PDE4D: variants seen among roughly 807,000 people sequenced by gnomAD.
PDE4D encodes the protein 3',5'-cyclic-AMP phosphodiesterase 4D.
In PDE4D, 24 loss-of-function variants were observed where a neutral mutation model predicts 87.4. The ratio of observed to expected loss-of-function variants is 0.27; its 90% CI spans 0.20 to 0.39. The LOEUF (loss-of-function observed/expected upper bound fraction) is 0.39. PDE4D is among the 10% of genes least tolerant of loss of function. PDE4D has a pLI of 1.00. For missense variants in PDE4D, 714 were observed against 1,041.0 expected, an observed-to-expected ratio of 0.69 and a Z score of 4.32; for synonymous variants, 384 against 383.2, an observed-to-expected ratio of 1.00 and a Z score of -0.02.
At chr5:60,031,632 C>G (rs115322342) in intron 2 of PDE4D, among the ~76,000 whole-genome samples, 3,700 of 152,306 alleles carry the variant, frequency 0.024, 148 homozygotes, top group African/African-American at 0.084. Flanking sequence ...TTCAATCTAT[C>G]TTTTTACCTA....
At chr5:59,690,012 G>C (rs1010036251) in intron 1 of PDE4D, among the ~76,000 whole-genome samples, 1 of 152,132 alleles carries the variant, frequency 6.6e-6, no homozygotes, top group Non-Finnish European at 1.5e-5. Flanking sequence ...ACTTACAAGG[G>C]ATGTGAAGGA....
intron 1 of PDE4D, among the ~76,000 whole-genome samples, chr5:59,308,337 A>T (rs906330549): frequency 1.4e-4 from 21 of 149,304 alleles, no homozygotes; most frequent in East Asian, 1.2e-3. Context: ...ATAATAATTT[A>T]AAAAAAAAAG....
At chr5:59,056,646 G>A (rs1027436894) in intron 5 of PDE4D, among the ~76,000 whole-genome samples, 10 of 151,582 alleles carry the variant, frequency 6.6e-5, no homozygotes, top group Non-Finnish European at 1.3e-4. Context: ...TCCCCTCCCT[G>A]TGTCCATGTG....
chr5:59,115,908 A>G lies in PDE4D; in HGVS notation c.808+64687T>C, dbSNP rs535216995. ...ATAATCTATGATTACATAAATAATT[A>G]ATAATAGTTTTAAAATAACTTTGCA... On this transcript the variant is annotated intron_variant, in intron 5 of 14. Transcript: ENST00000340635. Among the ~76,000 whole-genome samples, 4 of 152,286 alleles carry G rather than the reference A, an allele frequency of 2.6e-5. No homozygotes were observed. In the South Asian group the frequency reaches 8.3e-4, roughly 32 times the overall value.
intron 1 of PDE4D, among the ~76,000 whole-genome samples, chr5:59,728,018 C>T (rs1756851898): frequency 6.6e-6 from 1 of 151,978 alleles, no homozygotes; most frequent in Non-Finnish European, 1.5e-5. Context: ...CACACGTGAC[C>T]TAATAATAAT....
chr5:60,008,259 G>A (rs1471223283), intron 2 of PDE4D, among the ~76,000 whole-genome samples: 1 of 151,824 alleles, frequency 6.6e-6, no homozygotes. Flanking sequence ...TTAGCACCCC[G>A]ATTGCTATAG....
chr5:59,499,234 C>G (rs948624484), intron 1 of PDE4D, among the ~76,000 whole-genome samples: 4 of 151,100 alleles, frequency 2.6e-5, no homozygotes, highest in Non-Finnish European at 5.9e-5. Context: ...AATAGAGATA[C>G]AACATACCAA....
At chr5:59,093,373 T>C (rs1424337916) in intron 5 of PDE4D, among the ~76,000 whole-genome samples, 2 of 152,218 alleles carry the variant, frequency 1.3e-5, no homozygotes, top group African/African-American at 4.8e-5. Flanking sequence ...CTGATGATAC[T>C]AGGCACTGTA....
chr5:60,052,454 T>C (rs1003092776), intron 2 of PDE4D, among the ~76,000 whole-genome samples: 9 of 152,092 alleles, frequency 5.9e-5, no homozygotes, highest in South Asian at 2.1e-4. Context: ...ATTATCTCAA[T>C]AGATGCAGAA....
rs540042815 is a variant in PDE4D, at chr5:60,144,258, C to T, written c.42+41299G>A. The stretch of plus-strand genomic sequence containing the variant: ...GAATGCTGAATGATCTGCTCATTCC[C>T]AGATCTCTTCTCTTTCCTGTCATAC... On this transcript the variant is annotated intron_variant, in intron 2 of 16. Transcript: ENST00000502484. Among the ~76,000 whole-genome samples, 7 of 152,310 alleles carry T rather than the reference C, an allele frequency of 4.6e-5. No individual in the cohort carries two copies. The South Asian group carries it at 1.4e-3, about 32-fold the overall frequency.
At chr5:59,419,358 T>G (rs1246055626) in intron 1 of PDE4D, among the ~76,000 whole-genome samples, 1 of 152,226 alleles carries the variant, frequency 6.6e-6, no homozygotes, top group Non-Finnish European at 1.5e-5. Context: ...AGCTGAAAAT[T>G]TTGAAATCAG....
intron 1 of PDE4D, among the ~76,000 whole-genome samples, chr5:59,671,657 A>G (rs1421462521): frequency 6.6e-6 from 1 of 151,896 alleles, no homozygotes; most frequent in Non-Finnish European, 1.5e-5. Context: ...AAAATACAAA[A>G]ATGAGACAGG....
chr5:60,376,749 C>T (rs1761464008), intron 1 of PDE4D, among the ~76,000 whole-genome samples: 1 of 152,132 alleles, frequency 6.6e-6, no homozygotes, highest in Non-Finnish European at 1.5e-5. Context: ...CTGCTCAATA[C>T]ATTCTCCCAT....
At chr5:60,037,742 ATTG>A (rs1767968201) in intron 2 of PDE4D, among the ~76,000 whole-genome samples, 4 of 152,182 alleles carry the variant, frequency 2.6e-5, no homozygotes. Context: ...TATGTGCAAT[ATTG>A]TTTAGCTAAA....
chr5:59,273,184 G>A (rs1356938816), intron 1 of PDE4D, among the ~76,000 whole-genome samples: 1 of 152,174 alleles, frequency 6.6e-6, no homozygotes, highest in Non-Finnish European at 1.5e-5. Context: ...GAAAAGGAAT[G>A]AGGGTAGGGT....
At chr5:60,373,156 G>A (rs762341211) in intron 1 of PDE4D, among the ~76,000 whole-genome samples, 18 of 152,194 alleles carry the variant, frequency 1.2e-4, no homozygotes, top group Admixed American at 2.0e-4. Context: ...GGCCATACCC[G>A]TCCTGTGTTG....
At chr5:59,724,823 T>C (rs1485873080) in intron 1 of PDE4D, among the ~76,000 whole-genome samples, 1 of 152,170 alleles carries the variant, frequency 6.6e-6, no homozygotes. Context: ...TTTTGTGTAC[T>C]TGAGGTTTTA....
intron 2 of PDE4D, among the ~76,000 whole-genome samples, chr5:59,998,674 C>A (rs1342255933): frequency 6.6e-6 from 1 of 151,822 alleles, no homozygotes; most frequent in Non-Finnish European, 1.5e-5. Flanking sequence ...AGGAATTAGG[C>A]CATGTTATAA....
At chr5:59,087,033 C>T (rs945876329) in intron 5 of PDE4D, among the ~76,000 whole-genome samples, 5 of 152,132 alleles carry the variant, frequency 3.3e-5, no homozygotes, top group African/African-American at 1.2e-4. Flanking sequence ...GAGAAGTATA[C>T]AGTTTCCATA....
Sources: gnomAD v4.1 joint callset for allele counts (sites outside exome capture counted in the v4.1 genomes callset) on GRCh38, gnomAD v4.1.1 for gene constraint, MANE v1.5 for transcripts, NCBI Gene and HGNC (gene_info 2026-07-23, HGNC 2026-07-21) for gene names.